The following SPTY2D1 variants were observed in gnomAD, a reference collection of about 807,000 sequenced individuals.
SPTY2D1 encodes the protein SPT2 chromatin protein domain containing 1.
SPTY2D1 carries 21 observed loss-of-function variants against 64.0 expected under a neutral mutation model. The ratio of observed to expected loss-of-function variants is 0.33; its 90% confidence interval spans 0.23 to 0.47. SPTY2D1 has a LOEUF of 0.47. SPTY2D1 is among the 20% of genes least tolerant of loss of function. The probability of loss-of-function intolerance (pLI) is 1.00; values close to 1 mark genes in which losing one functional copy is unlikely to be tolerated. For synonymous variants in SPTY2D1, 287 were observed against 286.8 expected, an observed-to-expected ratio of 1.00 and a Z score of -0.01; for missense variants, 724 against 837.2, an observed-to-expected ratio of 0.86 and a Z score of 1.67.
chr11:18,615,508 T>C lies in SPTY2D1; in HGVS notation c.766A>G (p.Met256Val). The C allele has an allele frequency of 6.2e-7, 1 of 1,614,228 alleles. No individual in the cohort carries two copies. The highest frequency in any genetic ancestry group is 8.5e-7 in the Non-Finnish European group (1 of 1,180,052). ...TTCTTCTCAGCATGAGGAAGGGGCA[T>C]TCCTTTGGAAGAAGGATGCCTGTCT... The part of the protein sequence containing the change: ...SGDRHPSSKG[M>V]PLPHAEKKSR... Residue 256 changes from methionine (M) to valine (V), a missense_variant, in exon 3 of 6, where the codon ATG becomes GTG. Physicochemically the swap from Met to Val is conservative, Grantham distance 21. Transcript: ENST00000336349.
intron 3 of SPTY2D1, among the ~76,000 whole-genome samples, 194 bp downstream of exon 3, chr11:18,614,369 G>C (rs1363437862): frequency 1.3e-5 from 2 of 152,094 alleles, no homozygotes; most frequent in African/African-American, 4.8e-5. Flanking sequence ...GGGCAACAGA[G>C]CAAGACCCTG....
chr11:18,617,961 A>G (rs543551407), intron 1 of SPTY2D1, among the ~76,000 whole-genome samples: 2 of 152,280 alleles, frequency 1.3e-5, no homozygotes, highest in East Asian at 3.9e-4. Context: ...ATCTATAAGT[A>G]AGTAAGTAAG....
chr11:18,620,290 G>A (rs73424449), intron 1 of SPTY2D1, among the ~76,000 whole-genome samples: 14,193 of 151,242 alleles, frequency 0.094, 1,007 homozygotes, highest in African/African-American at 0.2. Context: ...GCCTGGCCTC[G>A]AACTCTGGTG....
At chr11:18,624,275 T>C (rs1263557606) in intron 1 of SPTY2D1, among the ~76,000 whole-genome samples, 1 of 152,052 alleles carries the variant, frequency 6.6e-6, no homozygotes, top group African/African-American at 2.4e-5. Context: ...GAAGAACTAT[T>C]TGGCACTTCC....
chr11:18,629,691 A>G (rs1854554855), intron 1 of SPTY2D1, among the ~76,000 whole-genome samples: 1 of 152,240 alleles, frequency 6.6e-6, no homozygotes, highest in Non-Finnish European at 1.5e-5. Context: ...TTGTTTCATC[A>G]CCTTGATCAG....
rs1317652473 is a variant in SPTY2D1 at position 18,606,597 on chromosome 11, A to C, written c.*3264T>G. 2 of 321,354 alleles carry C rather than the reference A, an allele frequency of 6.2e-6. No individual in the cohort carries two copies. The highest frequency in any genetic ancestry group is 2.3e-5 in the African/African-American group (1 of 43,010). 19.9% of individuals were successfully genotyped at this position (321,354 alleles called of 1,614,324 possible). On this transcript the variant is annotated 3_prime_UTR_variant, in exon 6 of 6. Transcript: ENST00000336349. Reference sequence around the variant, plus strand: ...ATTTAATTACTCCAAAGAAATCTCTATCTCACTCTTAATCATACACTAAAC... The same window carrying C: ...ATTTAATTACTCCAAAGAAATCTCTCTCTCACTCTTAATCATACACTAAAC...
chr11:18,612,347 T>G lies in SPTY2D1; in HGVS notation c.1853A>C (p.His618Pro). The change falls in exon 4 of 6, where the codon CAC becomes CCC. Residue 618 changes from histidine (H) to proline (P), a missense_variant. By Grantham distance (77) the His-to-Pro change is moderately conservative. Transcript: ENST00000336349. The surrounding 1 kb of genome is among the most constrained non-coding windows in gnomAD (Gnocchi z 4.6). ...EGEPQEEISK[H>P]IREIFGYDRK... Reference sequence around the variant, plus strand: ...GTCATAACCAAAGATTTCTCTAATGTGCTTGGATATTTCTTCCTGAGGCTC... The same window carrying G: ...GTCATAACCAAAGATTTCTCTAATGGGCTTGGATATTTCTTCCTGAGGCTC... 6.2e-7 allele frequency: 1 copy of G among 1,609,430 alleles called. No homozygotes were observed. The highest frequency in any genetic ancestry group is 8.5e-7 in the Non-Finnish European group (1 of 1,178,024).
At chr11:18,613,044 G>A (rs180947104) in intron 3 of SPTY2D1, among the ~76,000 whole-genome samples, 4 of 152,216 alleles carry the variant, frequency 2.6e-5, no homozygotes, top group East Asian at 3.9e-4. Context: ...GATTACAGGC[G>A]GCGCCACCGC....
At chr11:18,631,418 G>A (rs774481295) in intron 1 of SPTY2D1, among the ~76,000 whole-genome samples, 10 of 151,874 alleles carry the variant, frequency 6.6e-5, no homozygotes, top group South Asian at 2.1e-4. Context: ...TTAACTGGGC[G>A]TGGTGGTGCA....
At chr11:18,617,652 C>CT (rs1854322816) in intron 1 of SPTY2D1, among the ~76,000 whole-genome samples, 1 of 123,722 alleles carries the variant, frequency 8.1e-6, no homozygotes, top group African/African-American at 2.9e-5. Context: ...AAAAAAAAAT[C>CT]TGATTTAGGC....
At chr11:18,623,362 AG>A (rs1314405588) in intron 1 of SPTY2D1, among the ~76,000 whole-genome samples, 1 of 152,172 alleles carries the variant, frequency 6.6e-6, no homozygotes, top group Admixed American at 6.6e-5. Context: ...GTCTCCCCTC[AG>A]CCCCTGGCAA....
At chr11:18,632,144 C>T (rs1590407600) in intron 1 of SPTY2D1, among the ~76,000 whole-genome samples, 1 of 149,718 alleles carries the variant, frequency 6.7e-6, no homozygotes, top group South Asian at 2.1e-4. Context: ...CAGAGTGAGA[C>T]TCTATCTTAA....
chr11:18,620,708 A>G (rs1174390042), intron 1 of SPTY2D1, among the ~76,000 whole-genome samples: 3 of 151,714 alleles, frequency 2.0e-5, no homozygotes, highest in Non-Finnish European at 4.4e-5. Flanking sequence ...AACACAGTGA[A>G]ACCCTGTCTC....
rs184203058 is a variant in SPTY2D1, at chr11:18,611,813, T to C, written c.1887-259A>G. Reference sequence around the variant, plus strand: ...GTTCATGAAGGTACCAATCCTACAGTGCTTCCTCAACTCACTCACCTACAT... The same window carrying C: ...GTTCATGAAGGTACCAATCCTACAGCGCTTCCTCAACTCACTCACCTACAT... On this transcript the variant is annotated intron_variant, in intron 4 of 5. Transcript: ENST00000336349. Among the ~76,000 whole-genome samples, 1,467 of 152,322 alleles carry C rather than the reference T, an allele frequency of 9.6e-3. 16 individuals are homozygous for C. The highest frequency in any genetic ancestry group is 0.016 in the Non-Finnish European group (1,079 of 68,026).
chr11:18,631,834 G>A (rs560839177), intron 1 of SPTY2D1, among the ~76,000 whole-genome samples: 1 of 152,252 alleles, frequency 6.6e-6, no homozygotes, highest in Non-Finnish European at 1.5e-5. Context: ...GATGAATCAA[G>A]TTAAAGCAAA....
At position 18,620,753 on chromosome 11, in the gene SPTY2D1, G is replaced by A. The variant is rs571822644; in HGVS notation, c.61-3764C>T. Among the ~76,000 whole-genome samples the A allele has an allele frequency of 2.1e-3, 314 of 151,722 alleles. 1 individual carries two copies. The highest frequency in any genetic ancestry group is 7.3e-3 in the African/African-American group (302 of 41,372). Reference sequence around the variant, plus strand: ...TACAAAAAACTTAGCCAAGCGTGGTGGTGGGCACCTGTAGTCCCAGCTACT... The same window carrying A: ...TACAAAAAACTTAGCCAAGCGTGGTAGTGGGCACCTGTAGTCCCAGCTACT... On this transcript the variant is annotated intron_variant, in intron 1 of 5. Coordinates refer to ENST00000336349, the MANE Select transcript of SPTY2D1 (RefSeq NM_194285.3).
rs374691111 is a variant in SPTY2D1, at chr11:18,620,842, G to A, written c.61-3853C>T. 1.0e-4 allele frequency among the ~76,000 whole-genome samples: 14 copies of A among 139,430 alleles called. No individual in the cohort carries two copies. The East Asian group carries it at 1.3e-3, about 13-fold the overall frequency. 91.5% of individuals were successfully genotyped at this position (139,430 alleles called of 152,430 possible). ...GCGGAGCTTGCAGTGAGCCGAGATC[G>A]CGCCACTGCACTCCAGCCTGGGCAA... On this transcript the variant is annotated intron_variant, in intron 1 of 5. Coordinates refer to ENST00000336349, the MANE Select transcript of SPTY2D1 (RefSeq NM_194285.3).
chr11:18,627,887 A>G (rs999668368), intron 1 of SPTY2D1, among the ~76,000 whole-genome samples: 2 of 151,936 alleles, frequency 1.3e-5, no homozygotes, highest in African/African-American at 4.8e-5. Flanking sequence ...TCAAAAAAAA[A>G]AAATACAAAA....
At chr11:18,625,371 C>A (rs1854478486) in intron 1 of SPTY2D1, among the ~76,000 whole-genome samples, 1 of 152,144 alleles carries the variant, frequency 6.6e-6, no homozygotes, top group East Asian at 1.9e-4. Context: ...CAAAAACATA[C>A]CTGATTATAA....
Sources: gnomAD v4.1 joint callset for allele counts (sites outside exome capture counted in the v4.1 genomes callset) on GRCh38, gnomAD v4.1.1 for gene constraint, Gnocchi (gnomAD v3.1) non-coding constraint, MANE v1.5 for transcripts, NCBI Gene and HGNC (gene_info 2026-07-23, HGNC 2026-07-21) for gene names.